Variants in PXDNL observed in about 807,000 individuals in gnomAD.
PXDNL encodes the protein peroxidasin like.
Under a neutral mutation model 150.8 loss-of-function variants are expected in PXDNL, and 145 were observed. The observed-to-expected ratio is 0.96, with a 90% CI of 0.84 to 1.10. The LOEUF is 1.10. Ranked by LOEUF, PXDNL falls within the 50% of genes least tolerant of loss-of-function variation. The pLI, the probability that PXDNL is intolerant of heterozygous loss-of-function variation, is 0.00. For synonymous variants in PXDNL, 757 were observed against 725.7 expected, an observed-to-expected ratio of 1.04 and a Z score of -0.69; for missense variants, 2,087 against 1,873.9, an observed-to-expected ratio of 1.11 and a Z score of -2.10.
intron 1 of PXDNL, among the ~76,000 whole-genome samples, chr8:51,774,165 T>C (rs567357518): frequency 6.6e-6 from 1 of 152,204 alleles, no homozygotes; most frequent in East Asian, 1.9e-4. Flanking sequence ...AATTCTTTCA[T>C]TTTATAATAT....
intron 2 of PXDNL, among the ~76,000 whole-genome samples, chr8:51,624,995 GTTA>G (rs1814336432): frequency 6.6e-6 from 1 of 151,898 alleles, no homozygotes; most frequent in Non-Finnish European, 1.5e-5. Flanking sequence ...ATTTTTTATA[GTTA>G]TTATGAAAAG....
Position 51,409,392 on chromosome 8 carries a change from C to G in PXDNL, c.2232G>C (p.Ala744=), listed in dbSNP as rs1410076563. 6.2e-7 allele frequency: 1 copy of G among 1,606,058 alleles called. No homozygotes were observed. Among genetic ancestry groups the G allele is most frequent in the South Asian group, 1.1e-5 (1 of 90,604 alleles). The change falls in exon 17 of 23, where the codon GCG becomes GCC. Residue 744 remains alanine (A), a synonymous_variant. Coordinates refer to ENST00000356297, the MANE Select transcript of PXDNL (RefSeq NM_144651.5). ...GCAGGCGCGCGAAGGCGGTCAGCGC[C>G]GCGCCCCACGTGGGCTGCTGCAGGT... ...CNNLQQPTWG[A]ALTAFARLLQ... is the part of the protein sequence containing the mutation.
At chr8:51,361,014 A>G (rs780660405) in intron 19 of PXDNL, among the ~76,000 whole-genome samples, 3 of 152,210 alleles carry the variant, frequency 2.0e-5, no homozygotes, top group Non-Finnish European at 4.4e-5. Context: ...CCTGAAGTAG[A>G]ACTTCCTCCG....
intron 1 of PXDNL, among the ~76,000 whole-genome samples, chr8:51,687,367 T>C (rs1815898877): frequency 6.6e-6 from 1 of 152,224 alleles, no homozygotes; most frequent in African/African-American, 2.4e-5. Flanking sequence ...GGTAAAAATG[T>C]TGATGATACA....
intron 19 of PXDNL, among the ~76,000 whole-genome samples, chr8:51,371,393 A>T (rs1279528521): frequency 6.6e-6 from 1 of 152,250 alleles, no homozygotes; most frequent in Non-Finnish European, 1.5e-5. Flanking sequence ...GATATCACCA[A>T]TTCTGTTGTG....
intron 1 of PXDNL, among the ~76,000 whole-genome samples, chr8:51,792,165 C>T (rs1024700926): frequency 1.3e-5 from 2 of 150,500 alleles, no homozygotes; most frequent in Non-Finnish European, 3.0e-5. Flanking sequence ...AAAACAGCTG[C>T]GGTCAGAGGC....
intron 16 of PXDNL, among the ~76,000 whole-genome samples, chr8:51,410,212 G>A (rs1039449476): frequency 6.6e-6 from 1 of 152,134 alleles, no homozygotes; most frequent in African/African-American, 2.4e-5. Context: ...CCTGGCAAAC[G>A]GGCAAAATAA....
chr8:51,397,828 A>G (rs1374697838), intron 17 of PXDNL, among the ~76,000 whole-genome samples: 2 of 152,020 alleles, frequency 1.3e-5, no homozygotes, highest in Admixed American at 1.3e-4. Context: ...ATATGTATAC[A>G]TGTGCCATGT....
chr8:51,412,262 T>A (rs1808673888), intron 15 of PXDNL, among the ~76,000 whole-genome samples: 1 of 152,228 alleles, frequency 6.6e-6, no homozygotes, highest in African/African-American at 2.4e-5. Context: ...TCACTTTGGT[T>A]AAGCACTTTC....
intron 8 of PXDNL, among the ~76,000 whole-genome samples, chr8:51,471,018 C>CA (rs11375028): frequency 0.2 from 27,483 of 136,090 alleles, 2,721 homozygotes; most frequent in Middle Eastern, 0.29. Context: ...TTCTGCACAG[C>CA]AAAAAAAAAA....
Position 51,409,154 on chromosome 8 carries a change from C to T in PXDNL, c.2470G>A (p.Ala824Thr). The T allele has an allele frequency of 1.2e-6, 2 of 1,601,906 alleles. No homozygotes were observed. The highest frequency in any genetic ancestry group is 8.5e-7 in the Non-Finnish European group (1 of 1,177,732). ...CACGGCCGCCCATCCGAGAAGCGGGCTGTGCTCAGCGCAGGCACTGTGTGG... is the reference window on the plus strand; with the variant it reads ...CACGGCCGCCCATCCGAGAAGCGGGTTGTGCTCAGCGCAGGCACTGTGTGG... ...LDHTVPALST[A>T]RFSDGRPCSS... Residue 824 changes from alanine (A) to threonine (T), a missense_variant, in exon 17 of 23, where the codon GCC becomes ACC. Coordinates refer to ENST00000356297, the MANE Select transcript of PXDNL (RefSeq NM_144651.5).
Position 51,696,191 on chromosome 8 carries a change from C to T in PXDNL, c.165-41431G>A, listed in dbSNP as rs373784808. Among the ~76,000 whole-genome samples the T allele has an allele frequency of 2.6e-5, 4 of 152,278 alleles. No individual in the cohort carries two copies. The East Asian group carries it at 7.7e-4, about 29-fold the overall frequency. ...GACTTAATTGTGTCCCCCTAAAATT[C>T]TTATGTTGAAGCCCTAAACCCCCAT... On this transcript the variant is annotated intron_variant, in intron 1 of 22. Transcript: ENST00000356297.
rs1434640057 is a variant in PXDNL, at chr8:51,650,269, A to G, written c.236+4420T>C. On this transcript the variant is annotated intron_variant, in intron 2 of 22. Transcript: ENST00000356297. ...ATTTAACAATGTACAGGCATAGATT[A>G]AAAAAAAATAAGTCTTCCAGTAGAT... Among the ~76,000 whole-genome samples the G allele has an allele frequency of 2.0e-5, 3 of 151,190 alleles. No individual in the cohort carries two copies. The Admixed American group carries it at 2.0e-4, about 10-fold the overall frequency.
intron 1 of PXDNL, among the ~76,000 whole-genome samples, chr8:51,669,790 T>A (rs1251918321): frequency 6.6e-6 from 1 of 152,218 alleles, no homozygotes; most frequent in Non-Finnish European, 1.5e-5. Context: ...ATCTAATGGA[T>A]GGGATTTCTT....
intron 1 of PXDNL, among the ~76,000 whole-genome samples, chr8:51,713,426 T>G (rs1231370573): frequency 1.3e-5 from 2 of 152,198 alleles, no homozygotes; most frequent in African/African-American, 4.8e-5. Flanking sequence ...ACAAGGACAC[T>G]TGAGAATGAA....
intron 16 of PXDNL, among the ~76,000 whole-genome samples, chr8:51,409,904 A>C (rs1224943963): frequency 6.6e-6 from 1 of 152,146 alleles, no homozygotes; most frequent in Non-Finnish European, 1.5e-5. Flanking sequence ...TTCATCCTGT[A>C]AACAATGGCT....
chr8:51,534,405 C>A (rs1462453888), intron 4 of PXDNL, among the ~76,000 whole-genome samples: 2 of 135,646 alleles, frequency 1.5e-5, no homozygotes, highest in East Asian at 2.3e-4. Flanking sequence ...AGGTGAGGGG[C>A]GCCTCTGCCC....
chr8:51,710,188 G>T (rs950321505), intron 1 of PXDNL, among the ~76,000 whole-genome samples: 1 of 152,046 alleles, frequency 6.6e-6, no homozygotes. Context: ...ATTGATTCTG[G>T]GCAGCCAGAC....
intron 19 of PXDNL, among the ~76,000 whole-genome samples, chr8:51,354,392 A>G (rs1023854476): frequency 1.3e-5 from 2 of 152,098 alleles, no homozygotes; most frequent in African/African-American, 2.4e-5. Context: ...GGACTTGTGA[A>G]TGTTGTTTAA....
Sources: gnomAD v4.1 joint callset for allele counts (sites outside exome capture counted in the v4.1 genomes callset) on GRCh38, gnomAD v4.1.1 for gene constraint, MANE v1.5 for transcripts, NCBI Gene and HGNC (gene_info 2026-07-23, HGNC 2026-07-21) for gene names.